Variants in TLCD4 observed in about 807,000 individuals in gnomAD.
TLCD4 encodes TLC domain containing 4, also known as TLC domain-containing protein 4.
A neutral mutation model predicts 24.2 loss-of-function variants in TLCD4; 7 were observed. The ratio of observed to expected loss-of-function variants is 0.29; its 90% CI spans 0.16 to 0.54. The LOEUF is 0.54. TLCD4 is among the 20% of genes least tolerant of loss of function. TLCD4 has a pLI of 0.95. For synonymous variants in TLCD4, 103 were observed against 106.4 expected (o/e 0.97, Z 0.20); for missense variants, 259 against 313.9 (o/e 0.82, Z 1.32).
intron 6 of TLCD4, among the ~76,000 whole-genome samples, chr1:95,178,698 T>C (rs1678529301): frequency 6.6e-6 from 1 of 152,002 alleles, no homozygotes; most frequent in African/African-American, 2.4e-5. Flanking sequence ...TGCCTTAGTT[T>C]TGGAATCGGA....
the TLCD4 span, among the ~76,000 whole-genome samples, chr1:95,103,124 A>G: frequency 1.3e-5 from 2 of 152,082 alleles, no homozygotes; most frequent in Non-Finnish European, 2.9e-5. Flanking sequence ...GATTACAGGC[A>G]TGCGCCACCA....
the TLCD4 span, among the ~76,000 whole-genome samples, chr1:95,105,893 T>TCAAAAAAAAAAACAAAAAAAAAAAAA: frequency 9.7e-6 from 1 of 102,864 alleles, no homozygotes; most frequent in Non-Finnish European, 2.1e-5. Context: ...AGACTCCGTC[T>TCAAAAAAAAAAACAAAAAAAAAAAAA]TAAAAAAAAA....
intron 5 of TLCD4, among the ~76,000 whole-genome samples, chr1:95,167,301 T>G (rs779485568): frequency 2.0e-5 from 3 of 152,148 alleles, no homozygotes; most frequent in Non-Finnish European, 4.4e-5. Flanking sequence ...ACTTAATTGC[T>G]TTTAACTATC....
At chr1:95,146,797 C>T (rs1324666105) in intron 2 of TLCD4, among the ~76,000 whole-genome samples, 1 of 152,108 alleles carries the variant, frequency 6.6e-6, no homozygotes, top group African/African-American at 2.4e-5. Context: ...TTTAACTTTT[C>T]TGTACTGAAT....
chr1:95,099,199 G>A, the TLCD4 span, among the ~76,000 whole-genome samples: 8 of 152,038 alleles, frequency 5.3e-5, no homozygotes, highest in Non-Finnish European at 7.4e-5. Context: ...AGGGTGAGGC[G>A]GGCAAATCAC....
At chr1:95,107,411 A>G in the TLCD4 span, among the ~76,000 whole-genome samples, 1 of 152,216 alleles carries the variant, frequency 6.6e-6, no homozygotes, top group Non-Finnish European at 1.5e-5. Context: ...CGACAGAGCA[A>G]GACTCTGTCT....
chr1:95,182,048 C>T (rs997969645), intron 6 of TLCD4, among the ~76,000 whole-genome samples: 2 of 152,060 alleles, frequency 1.3e-5, no homozygotes, highest in African/African-American at 2.4e-5. Context: ...AAAATATCAC[C>T]GCAGATCTCA....
the TLCD4 span, among the ~76,000 whole-genome samples, chr1:95,107,373 A>G: frequency 1.3e-5 from 2 of 152,174 alleles, no homozygotes. Flanking sequence ...CAGTGAGCCG[A>G]GATTGCGCCA....
chr1:95,136,185 T>C (rs112491663), intron 1 of TLCD4, among the ~76,000 whole-genome samples: 1 of 152,266 alleles, frequency 6.6e-6, no homozygotes, highest in African/African-American at 2.4e-5. Context: ...TATATGGGAC[T>C]GATGCTTGAT....
At chr1:95,136,039 GTTTTT>G (rs58511423) in intron 1 of TLCD4, among the ~76,000 whole-genome samples, 1 of 147,182 alleles carries the variant, frequency 6.8e-6, no homozygotes, top group African/African-American at 2.5e-5. Flanking sequence ...AAGTTTTCAA[GTTTTT>G]TTTTTTTATT....
intron 6 of TLCD4, among the ~76,000 whole-genome samples, chr1:95,187,980 A>G (rs1224765671): frequency 6.6e-6 from 1 of 151,798 alleles, no homozygotes; most frequent in Non-Finnish European, 1.5e-5. Flanking sequence ...CCTTTCTTTT[A>G]AGGGCACTGG....
At chr1:95,176,949 T>C (rs1179859788) in intron 6 of TLCD4, among the ~76,000 whole-genome samples, 1 of 152,230 alleles carries the variant, frequency 6.6e-6, no homozygotes, top group Non-Finnish European at 1.5e-5. Flanking sequence ...TGGCTGTACA[T>C]GCAAGGGTTT....
intron 1 of TLCD4, among the ~76,000 whole-genome samples, chr1:95,123,988 T>G (rs1299321629): frequency 6.6e-6 from 1 of 152,206 alleles, no homozygotes; most frequent in African/African-American, 2.4e-5. Flanking sequence ...AAATATTCAC[T>G]CAGCAGTGAA....
chr1:95,181,101 A>G (rs1031739972), intron 6 of TLCD4, among the ~76,000 whole-genome samples: 2 of 152,214 alleles, frequency 1.3e-5, no homozygotes, highest in African/African-American at 2.4e-5. Flanking sequence ...TGTCTCAGAA[A>G]AAAACAAAAA....
intron 1 of TLCD4, among the ~76,000 whole-genome samples, chr1:95,125,808 T>A (rs1026021727): frequency 2.6e-5 from 4 of 152,162 alleles, no homozygotes; most frequent in African/African-American, 9.7e-5. Context: ...TCCTGTATGA[T>A]TTGGCATGAC....
rs547821935 is a variant in TLCD4, at chr1:95,184,168, C to G, written c.474-7382C>G. Among the ~76,000 whole-genome samples, 19 of 152,166 alleles carry G rather than the reference C, an allele frequency of 1.2e-4. No individual in the cohort carries two copies. In the East Asian group the frequency reaches 2.1e-3, roughly 17 times the overall value. ...ATTGGAGTTTTTCCAAGGATGTCAA[C>G]AAAGATCCAGTTTGTTACTCACAAC... On this transcript the variant is annotated intron_variant, in intron 6 of 6. Transcript: ENST00000370203.
the TLCD4 span, among the ~76,000 whole-genome samples, chr1:95,100,988 A>G: frequency 6.6e-6 from 1 of 151,262 alleles, no homozygotes; most frequent in Admixed American, 6.6e-5. Flanking sequence ...GCTCACTGCA[A>G]CCTCTGCCTC....
At chr1:95,150,595 C>A (rs1369600426) in intron 4 of TLCD4, among the ~76,000 whole-genome samples, 1 of 152,048 alleles carries the variant, frequency 6.6e-6, no homozygotes, top group South Asian at 2.1e-4. Context: ...TTTTAGGGTC[C>A]CTCACTTGCA....
chr1:95,157,818 A>G (rs1428264631), intron 5 of TLCD4, among the ~76,000 whole-genome samples: 1 of 152,240 alleles, frequency 6.6e-6, no homozygotes, highest in Admixed American at 6.5e-5. Flanking sequence ...ACCTGGCTTC[A>G]GAAGACTTAC....
Sources: allele counts gnomAD v4.1 joint callset (sites outside exome capture counted in the v4.1 genomes callset), GRCh38; gene constraint gnomAD v4.1.1; transcripts MANE v1.5; gene names NCBI Gene and HGNC (gene_info 2026-07-23, HGNC 2026-07-21).